Variants in LAIR1 observed in about 807,000 individuals in gnomAD.
LAIR1 encodes the protein leukocyte associated immunoglobulin like receptor 1, also known as leukocyte-associated immunoglobulin-like receptor 1.
A neutral mutation model predicts 32.8 loss-of-function variants in LAIR1; 24 were observed. The ratio of observed to expected loss-of-function variants is 0.73; its 90% confidence interval spans 0.53 to 1.03. The LOEUF is 1.03. LAIR1 is among the 50% of genes least tolerant of loss of function. LAIR1 has a pLI of 0.00. For missense variants in LAIR1, 355 were observed against 347.5 expected, an observed-to-expected ratio of 1.02 and a Z score of -0.17; for synonymous variants, 150 against 140.5, an observed-to-expected ratio of 1.07 and a Z score of -0.48.
At chr19:54,357,570 G>C (rs926113574) in intron 4 of LAIR1, 6 of 153,742 alleles carry the variant, frequency 3.9e-5, no homozygotes, top group African/African-American at 1.4e-4. Context: ...AGTGTGTGGG[G>C]CACCGCCCAG....
In LAIR1 at chr19:54,355,304, G is replaced by A. The variant is rs554172383; in HGVS notation, c.828C>T (p.Ala276=). The change falls in exon 10 of 10, where the codon GCC becomes GCT. Residue 276 remains alanine, a synonymous_variant. Coordinates refer to ENST00000391742, the MANE Select transcript of LAIR1 (RefSeq NM_002287.6). The surrounding 1 kb of genome is among the most constrained non-coding windows in gnomAD (Gnocchi z 4.7). ...AVSPQSTKPM[A]ESITYAAVAR... is the part of the protein sequence containing the mutation. Reference sequence around the variant, plus strand: ...CAACGGCTGCATACGTGATGGACTCGGCCATGGGCTTTGTGGACTGTGGGG... The same window carrying A: ...CAACGGCTGCATACGTGATGGACTCAGCCATGGGCTTTGTGGACTGTGGGG... 1.1e-5 allele frequency: 18 copies of A among 1,612,388 alleles called. No individual in the cohort carries two copies. Among genetic ancestry groups the A allele is most frequent in the African/African-American group, 8.0e-5 (6 of 74,918 alleles).
At chr19:54,373,949 T>C (rs534484553), upstream of LAIR1, among the ~76,000 whole-genome samples, 1 of 152,340 alleles carries the variant, frequency 6.6e-6, no homozygotes, top group East Asian at 1.9e-4. Context: ...CTGACACATG[T>C]CATTTCTGTC....
chr19:54,358,386 AAT>A (rs61374903), intron 4 of LAIR1: 6 of 131,352 alleles, frequency 4.6e-5, no homozygotes, highest in South Asian at 2.8e-4. Flanking sequence ...TTATATATAT[AAT>A]ATATATATAA....
At chr19:54,358,038 A>C (rs2081809535) in intron 4 of LAIR1, 1 of 147,446 alleles carries the variant, frequency 6.8e-6, no homozygotes, top group Non-Finnish European at 1.5e-5. Context: ...TAATTATGTA[A>C]TCTTGACATA....
rs1269484238 is a variant in LAIR1 at position 54,355,333 on chromosome 19, C to G, written c.799G>C (p.Val267Leu). 1.9e-6 allele frequency: 3 copies of G among 1,613,470 alleles called. No individual in the cohort carries two copies. The highest frequency in any genetic ancestry group is 2.5e-6 in the Non-Finnish European group (3 of 1,179,686). ...WALTQRTARA[V>L]SPQSTKPMAE... Reference sequence around the variant, plus strand: ...ATGGGCTTTGTGGACTGTGGGGACACAGCCCGGGCTGTCCTCTGTGTGAGG... The same window carrying G: ...ATGGGCTTTGTGGACTGTGGGGACAGAGCCCGGGCTGTCCTCTGTGTGAGG... Residue 267 changes from valine to leucine, a missense_variant, in exon 10 of 10, where the codon GTG becomes CTG. By Grantham distance (32) the Val-to-Leu change is conservative. Coordinates refer to ENST00000391742, the MANE Select transcript of LAIR1 (RefSeq NM_002287.6). The surrounding 1 kb of genome is among the most constrained non-coding windows in gnomAD (Gnocchi z 4.7).
At chr19:54,368,541 C>T (rs554818596), upstream of LAIR1, 11 of 152,242 alleles carry the variant, frequency 7.2e-5, no homozygotes, top group African/African-American at 2.6e-4. Flanking sequence ...AAACTGCATC[C>T]ACTTAATCTG....
At chr19:54,361,430 G>C (rs1012309801) in intron 2 of LAIR1, among the ~76,000 whole-genome samples, 1 of 151,874 alleles carries the variant, frequency 6.6e-6, no homozygotes. Context: ...TGAGGACCCT[G>C]AGACTTGCTC....
At chr19:54,369,130 C>CA (rs769890440), upstream of LAIR1, among the ~76,000 whole-genome samples, 4,466 of 133,224 alleles carry the variant, frequency 0.034, 322 homozygotes, top group African/African-American at 0.11. Context: ...GCACATCCGC[C>CA]AAAAAAAAAA....
At chr19:54,359,327 C>T (rs2081891701) in intron 4 of LAIR1, among the ~76,000 whole-genome samples, 1 of 151,610 alleles carries the variant, frequency 6.6e-6, no homozygotes, top group Non-Finnish European at 1.5e-5. Context: ...AACTTGAGAC[C>T]CAGGGACTTG....
upstream of LAIR1, among the ~76,000 whole-genome samples, chr19:54,369,539 A>T (rs930962467): frequency 6.6e-6 from 1 of 151,344 alleles, no homozygotes; most frequent in Non-Finnish European, 1.5e-5. Flanking sequence ...GCATTCCTCT[A>T]AGACCTTTCC....
chr19:54,364,952 C>G (rs1402745009), upstream of LAIR1: 2 of 1,543,418 alleles, frequency 1.3e-6, no homozygotes, highest in Non-Finnish European at 8.7e-7. The surrounding 1 kb of genome is among the most constrained non-coding windows in gnomAD (Gnocchi z 4.8). Context: ...AGAGGAAGAG[C>G]TTTCTGTCCT....
chr19:54,375,170 T>C (rs1355247887), upstream of LAIR1, among the ~76,000 whole-genome samples: 1 of 152,108 alleles, frequency 6.6e-6, no homozygotes, highest in African/African-American at 2.4e-5. Context: ...TCATCTCTGC[T>C]CCCTCTTCGA....
At chr19:54,361,240 T>C (rs2082010019) in intron 2 of LAIR1, 31 bp from the exon 3 acceptor site, 1 of 1,609,454 alleles carries the variant, frequency 6.2e-7, no homozygotes, top group Admixed American at 1.7e-5. Flanking sequence ...GATCTCAGCG[T>C]CCACTGTAGG....
chr19:54,357,632 C>T (rs571700869), intron 4 of LAIR1: 5 of 153,146 alleles, frequency 3.3e-5, no homozygotes, highest in South Asian at 2.1e-4. Context: ...CCAACCTTCA[C>T]CCTCCTCTGC....
chr19:54,364,506 T>A lies in LAIR1; in HGVS notation c.35-176A>T, dbSNP rs1399534458. The A allele has an allele frequency of 1.2e-6, 1 of 814,048 alleles. No homozygotes were observed. Among genetic ancestry groups the A allele is most frequent in the East Asian group, 2.7e-5 (1 of 37,652 alleles). The allele number at this position is 814,048 out of a possible 1,614,324, so 50.4% of individuals were successfully genotyped here. A position where few individuals can be genotyped will look rare whatever the true frequency, so the allele number is the denominator to read the frequency against. On this transcript the variant is annotated intron_variant, in intron 1 of 9. Transcript: ENST00000391742. This position sits in a 1 kb window ranked among gnomAD's most constrained non-coding sequence, Gnocchi z 4.8. ...TTCTTGCTGCAAAATGGTTTCAAGA[T>A]AAATCCCAAAGTCTCCTCCTCCAAA...
chr19:54,361,001 T>G lies in LAIR1; in HGVS notation c.279A>C (p.Glu93Asp), dbSNP rs762333856. 4 of 1,614,108 alleles carry G rather than the reference T, an allele frequency of 2.5e-6. No individual in the cohort carries two copies. Among genetic ancestry groups the G allele is most frequent in the African/African-American group, 1.3e-5 (1 of 74,934 alleles). ...EARFRIDSVR[E>D]GNAGLYRCIY... is the part of the protein sequence containing the mutation. ...TGCAGCGATAAAGCCCGGCATTTCC[T>G]TCTCTTACTGAGTCAATGCGGAATC... The change falls in exon 3 of 10, where the codon GAA becomes GAC. Residue 93 changes from glutamate (E) to aspartate (D), a missense_variant. Coordinates refer to ENST00000391742, the MANE Select transcript of LAIR1 (RefSeq NM_002287.6).
At position 54,353,557 on chromosome 19, in the gene LAIR1, G is replaced by T. The variant is rs1364746879; in HGVS notation, c.*1711C>A. The T allele has an allele frequency of 6.6e-6, 1 of 151,962 alleles. No individual in the cohort carries two copies. The highest frequency in any genetic ancestry group is 1.5e-5 in the Non-Finnish European group (1 of 68,002). 9.4% of individuals were successfully genotyped at this position (151,962 alleles called of 1,614,324 possible). On this transcript the variant is annotated 3_prime_UTR_variant, in exon 10 of 10. Coordinates refer to ENST00000391742, the MANE Select transcript of LAIR1 (RefSeq NM_002287.6). ...TCTGAGACTTGGCCGACCTTGGACA[G>T]GTTACTTCATGTCTCGGTCCATAGT...
chr19:54,363,855 T>A (rs1279131482), intron 2 of LAIR1, among the ~76,000 whole-genome samples: 3 of 152,038 alleles, frequency 2.0e-5, no homozygotes, highest in African/African-American at 7.3e-5. Context: ...CCAGGACGAG[T>A]GAATTTTTCA....
chr19:54,369,130 C>CAA (rs769890440), upstream of LAIR1, among the ~76,000 whole-genome samples: 26 of 133,454 alleles, frequency 1.9e-4, no homozygotes, highest in Middle Eastern at 4.0e-3. Flanking sequence ...GCACATCCGC[C>CAA]AAAAAAAAAA....
Sources: gnomAD v4.1 joint callset for allele counts (sites outside exome capture counted in the v4.1 genomes callset) on GRCh38, gnomAD v4.1.1 for gene constraint, Gnocchi (gnomAD v3.1) non-coding constraint, MANE v1.5 for transcripts, NCBI Gene and HGNC (gene_info 2026-07-23, HGNC 2026-07-21) for gene names.